Variants in TRMT2B observed in about 807,000 individuals in gnomAD.
TRMT2B encodes tRNA methyltransferase 2B.
A neutral mutation model predicts 39.7 loss-of-function variants in TRMT2B; 34 were observed. The observed-to-expected ratio is 0.86, with a 90% CI of 0.65 to 1.14. TRMT2B has a LOEUF of 1.14. Among genes scored for constraint, TRMT2B ranks in the 50% most tolerant of loss-of-function variants. The probability of loss-of-function intolerance (pLI) is 0.00; values close to 1 mark genes in which losing one functional copy is unlikely to be tolerated. For synonymous variants in TRMT2B, 132 were observed against 137.3 expected (o/e 0.96, Z 0.27); for missense variants, 318 against 377.2 (o/e 0.84, Z 1.30).
the TRMT2B span, among the ~76,000 whole-genome samples, chrX:101,003,333 A>G: frequency 1.1e-5 from 1 of 94,813 alleles, no homozygotes; most frequent in African/African-American, 3.9e-5. Flanking sequence ...ATGGCATTAG[A>G]GTGACATCCG....
chrX:101,038,327 C>CATTGCACT (rs1205947573), intron 4 of TRMT2B, among the ~76,000 whole-genome samples: 1 of 89,788 alleles, frequency 1.1e-5, no homozygotes, highest in Admixed American at 1.4e-4. Flanking sequence ...GAGATCACAC[C>CATTGCACT]ATTGCACTAC....
chrX:100,998,578 A>C, the TRMT2B span, among the ~76,000 whole-genome samples: 1 of 105,425 alleles, frequency 9.5e-6, no homozygotes, highest in Non-Finnish European at 1.9e-5. Flanking sequence ...AAAAAACGAC[A>C]CCCATTTCAT....
the TRMT2B span, among the ~76,000 whole-genome samples, chrX:100,992,366 A>G: frequency 9.0e-6 from 1 of 111,449 alleles, no homozygotes; most frequent in African/African-American, 3.3e-5. Context: ...GGATCACTTG[A>G]GGTCAGGAGT....
chrX:101,041,801 T>C (rs977448138), intron 3 of TRMT2B, among the ~76,000 whole-genome samples: 6 of 111,861 alleles, frequency 5.4e-5, no homozygotes, highest in African/African-American at 1.9e-4. Context: ...AAAGACAAGG[T>C]CCCAGATTAG....
intron 8 of TRMT2B, among the ~76,000 whole-genome samples, 176 bp from the exon 9 acceptor site, chrX:101,022,238 CAGCACTTTGAG>C (rs1404272168): frequency 9.0e-6 from 1 of 111,659 alleles, no homozygotes; most frequent in Admixed American, 9.7e-5. Context: ...CCTATAATCC[CAGCACTTTGAG>C]AGGCTGAGGT....
At chrX:101,039,292 G>A in intron 4 of TRMT2B, among the ~76,000 whole-genome samples, 1 of 109,366 alleles carries the variant, frequency 9.1e-6, no homozygotes, top group Non-Finnish European at 1.9e-5. Flanking sequence ...GGATGGTCTC[G>A]GATCTCCTGA....
chrX:101,010,523 C>A lies in TRMT2B; in HGVS notation c.*58G>T. ...TCTGCAATGTAGCAATATGCCAAACCTGAAAGTTTCTGAAACTTCAGCCTT... is the reference window on the plus strand; with the variant it reads ...TCTGCAATGTAGCAATATGCCAAACATGAAAGTTTCTGAAACTTCAGCCTT... On this transcript the variant is annotated 3_prime_UTR_variant, in exon 14 of 14. Coordinates refer to ENST00000372936, the MANE Select transcript of TRMT2B (RefSeq NM_024917.6). The A allele has an allele frequency of 8.4e-7, 1 of 1,187,461 alleles. No homozygotes were observed. Among genetic ancestry groups the A allele is most frequent in the South Asian group, 1.8e-5 (1 of 54,954 alleles).
the TRMT2B span, among the ~76,000 whole-genome samples, chrX:100,983,553 C>T: frequency 9.0e-6 from 1 of 110,518 alleles, no homozygotes; most frequent in Non-Finnish European, 1.9e-5. Context: ...AACAGGGTTT[C>T]ACCATGTTGG....
chrX:101,034,673 G>A (rs925334963), intron 7 of TRMT2B, among the ~76,000 whole-genome samples: 5 of 111,666 alleles, frequency 4.5e-5, no homozygotes, highest in Admixed American at 9.6e-5. Flanking sequence ...TGTGTATCAA[G>A]TATCCAGTTA....
intron 12 of TRMT2B, 72 bp downstream of exon 12, chrX:101,019,212 G>T: frequency 8.4e-7 from 1 of 1,193,293 alleles, no homozygotes; most frequent in Non-Finnish European, 1.1e-6. Context: ...AGCACCCGTA[G>T]CATGGTGTGG....
In TRMT2B at chrX:101,042,312, CCTGCATGAAAGGTACACATACAG is replaced by C. The variant is rs776549442; in HGVS notation, c.-23-23_-23-1del. On this transcript the variant is annotated splice_acceptor_variant and splice_polypyrimidine_tract_variant and intron_variant, in intron 2 of 13. Transcript: ENST00000372936. LOFTEE classifies it low-confidence loss of function (5UTR_SPLICE). ...CATCCAAAGAACACACTGAAATCCA[CCTGCATGAAAGGTACACATACAG>C]AGGTTGGGAAATAGAAGCACAACTA... 1.7e-6 allele frequency: 2 copies of C among 1,200,823 alleles called. No individual in the cohort carries two copies. Among genetic ancestry groups the C allele is most frequent in the East Asian group, 5.9e-5 (2 of 33,672 alleles).
chrX:101,030,673 C>T (rs998454297), intron 7 of TRMT2B, among the ~76,000 whole-genome samples: 1 of 109,240 alleles, frequency 9.2e-6, no homozygotes, highest in African/African-American at 3.3e-5. Flanking sequence ...GTCTCAAACT[C>T]CTGACCTTGT....
chrX:101,025,539 A>T (rs951029930), intron 7 of TRMT2B, among the ~76,000 whole-genome samples: 1 of 112,328 alleles, frequency 8.9e-6, no homozygotes, highest in Non-Finnish European at 1.9e-5. Context: ...TATACAAAAA[A>T]ACAGTGCTAC....
chrX:101,003,107 G>T, the TRMT2B span, among the ~76,000 whole-genome samples: 4 of 105,263 alleles, frequency 3.8e-5, no homozygotes, highest in Non-Finnish European at 7.8e-5. Flanking sequence ...TAGAGACATG[G>T]TCTCACCATA....
the TRMT2B span, among the ~76,000 whole-genome samples, chrX:100,991,374 T>TTTTTGTTTTGTTTTG: frequency 0.15 from 15,505 of 104,656 alleles, 1,097 homozygotes; most frequent in Non-Finnish European, 0.2. Context: ...CAGTGCTAAG[T>TTTTTGTTTTGTTTTG]TTTTGTTTTG....
downstream of TRMT2B, among the ~76,000 whole-genome samples, chrX:101,005,975 C>T (rs2086098914): frequency 1.9e-5 from 2 of 106,775 alleles, no homozygotes; most frequent in African/African-American, 6.8e-5. Flanking sequence ...AATCTCAGCA[C>T]TCTGGGAGGC....
At chrX:100,998,778 C>A in the TRMT2B span, among the ~76,000 whole-genome samples, 1 of 110,844 alleles carries the variant, frequency 9.0e-6, no homozygotes, top group East Asian at 2.8e-4. Context: ...GTGATAGAGT[C>A]AGGATTTAGG....
intron 13 of TRMT2B, among the ~76,000 whole-genome samples, chrX:101,016,594 G>C (rs977467579): frequency 9.4e-6 from 1 of 106,290 alleles, no homozygotes; most frequent in Non-Finnish European, 1.9e-5. Flanking sequence ...CTCATGCCAA[G>C]TAGCTGGGAT....
chrX:101,024,794 C>T (rs2086979708), intron 7 of TRMT2B, among the ~76,000 whole-genome samples: 1 of 110,597 alleles, frequency 9.0e-6, no homozygotes, highest in Non-Finnish European at 1.9e-5. Context: ...GCACTCCAGC[C>T]TGGGCAACAG....
Sources: gnomAD v4.1 joint callset for allele counts (sites outside exome capture counted in the v4.1 genomes callset) on GRCh38, gnomAD v4.1.1 for gene constraint, MANE v1.5 for transcripts, NCBI Gene and HGNC (gene_info 2026-07-23, HGNC 2026-07-21) for gene names.